ASB13: variants seen among roughly 807,000 people sequenced by gnomAD.
ASB13 encodes ankyrin repeat and SOCS box containing 13.
A neutral mutation model predicts 28.8 loss-of-function variants in ASB13; 33 were observed. The observed-to-expected ratio is 1.15, with a 90% CI of 0.87 to 1.53. The LOEUF is 1.53. Ranked by LOEUF, ASB13 falls within the 40% of genes most tolerant of loss-of-function variation. ASB13 has a pLI of 0.00. For missense variants in ASB13, 414 were observed against 390.1 expected, an observed-to-expected ratio of 1.06 and a Z score of -0.52; for synonymous variants, 182 against 172.9, an observed-to-expected ratio of 1.05 and a Z score of -0.41.
chr10:5,642,581 T>A lies in ASB13; in HGVS notation c.518-620A>T, dbSNP rs72772136. 636 of 925,640 alleles carry A rather than the reference T, an allele frequency of 6.9e-4. 1 individual carries two copies. The highest frequency in any genetic ancestry group is 1.5e-3 in the Middle Eastern group (5 of 3,294). The allele number at this position is 925,640 out of a possible 1,614,324, so 57.3% of individuals were successfully genotyped here. A position where few individuals can be genotyped will look rare whatever the true frequency, so the allele number is the denominator to read the frequency against. ...GATTAAAAGTAAAGGTAAAAAAAAA[T>A]TTTTTTTTAAAAAAAAGAGCAGACA... On this transcript the variant is annotated intron_variant, in intron 4 of 5. Coordinates refer to ENST00000357700, the MANE Select transcript of ASB13 (RefSeq NM_024701.4). This position sits in a 1 kb window ranked among gnomAD's most constrained non-coding sequence, Gnocchi z 4.1.
At position 5,639,891 on chromosome 10, in the gene ASB13, A is replaced by G. The variant is rs1469427590; in HGVS notation, c.*812T>C. The G allele has an allele frequency of 2.0e-5, 3 of 152,458 alleles. No homozygotes were observed. The highest frequency in any genetic ancestry group is 4.4e-5 in the Non-Finnish European group (3 of 68,034). 9.4% of individuals were successfully genotyped at this position (152,458 alleles called of 1,614,324 possible). On this transcript the variant is annotated 3_prime_UTR_variant, in exon 6 of 6. Coordinates refer to ENST00000357700, the MANE Select transcript of ASB13 (RefSeq NM_024701.4). ...AATATACACCTTGACACACCTTCAC[A>G]CTGCTGTCGGTTTGAATGGCTCATT... is the stretch of plus-strand genomic sequence containing the variant.
In ASB13 at chr10:5,666,566, G is replaced by C; in HGVS notation, c.-15C>G. On this transcript the variant is annotated 5_prime_UTR_variant, in exon 1 of 6. Coordinates refer to ENST00000357700, the MANE Select transcript of ASB13 (RefSeq NM_024701.4). ...CGGGGCTCCATGCGGCTCACCGGCG[G>C]CCGCGCGGCGACTCTGGGCGCCGGG... 1 of 1,153,960 alleles carries C rather than the reference G, an allele frequency of 8.7e-7. No individual in the cohort carries two copies. The highest frequency in any genetic ancestry group is 1.1e-6 in the Non-Finnish European group (1 of 938,170). 71.5% of individuals were successfully genotyped at this position (1,153,960 alleles called of 1,614,324 possible). A position where few individuals can be genotyped will look rare whatever the true frequency, so the allele number is the denominator to read the frequency against.
chr10:5,662,533 G>GGGGA (rs1554744084), intron 1 of ASB13, among the ~76,000 whole-genome samples: 2,827 of 6,710 alleles, frequency 0.42, 457 homozygotes, highest in Admixed American at 0.56. Context: ...CTGTCGAGAA[G>GGGGA]GGGGGGGGAG....
chr10:5,642,209 C>T lies in ASB13; in HGVS notation c.518-248G>A, dbSNP rs555236676. Among the ~76,000 whole-genome samples the T allele has an allele frequency of 6.6e-6, 1 of 152,098 alleles. No individual in the cohort carries two copies. The highest frequency in any genetic ancestry group is 1.9e-4 in the East Asian group (1 of 5,182). On this transcript the variant is annotated intron_variant, in intron 4 of 5. Transcript: ENST00000357700. This position sits in a 1 kb window ranked among gnomAD's most constrained non-coding sequence, Gnocchi z 4.1. Reference sequence around the variant, plus strand: ...ATAAAGAAATAACTAGAAATAGAACCGAAAAGAAGAAAAATAAAACGAAAA... The same window carrying T: ...ATAAAGAAATAACTAGAAATAGAACTGAAAAGAAGAAAAATAAAACGAAAA...
In ASB13 at chr10:5,661,448, C is replaced by T. The variant is rs1430724905; in HGVS notation, c.43+5061G>A. ...TCCAGTAGCATGCTGGCTTTGAATC[C>T]AGGTCAAATACCCAAGATGCACCTT... On this transcript the variant is annotated intron_variant, in intron 1 of 5. Transcript: ENST00000357700. This position sits in a 1 kb window ranked among gnomAD's most constrained non-coding sequence, Gnocchi z 4.9. Among the ~76,000 whole-genome samples the T allele has an allele frequency of 1.3e-5, 2 of 152,200 alleles. No individual in the cohort carries two copies. Among genetic ancestry groups the T allele is most frequent in the Non-Finnish European group, 2.9e-5 (2 of 68,022 alleles).
chr10:5,648,917 C>T, intron 4 of ASB13, 53 bp downstream of exon 4: 1 of 1,602,620 alleles, frequency 6.2e-7, no homozygotes, highest in East Asian at 2.2e-5. Flanking sequence ...TAAACACCCG[C>T]TCGGGCAAAC....
At chr10:5,647,222 G>A (rs80194115) in intron 4 of ASB13, among the ~76,000 whole-genome samples, 7 of 152,270 alleles carry the variant, frequency 4.6e-5, no homozygotes, top group African/African-American at 1.4e-4. Context: ...GCCTCCCAAA[G>A]TGCTGAGACT....
At chr10:5,646,874 G>A (rs1163761090) in intron 4 of ASB13, among the ~76,000 whole-genome samples, 1 of 152,176 alleles carries the variant, frequency 6.6e-6, no homozygotes, top group Non-Finnish European at 1.5e-5. Context: ...CATAGAAACG[G>A]ATCCAGCTGC....
rs865983389 is a variant in ASB13 at position 5,652,910 on chromosome 10, G to A, written c.184C>T (p.Gln62Ter). The A allele has an allele frequency of 6.3e-7, 1 of 1,584,510 alleles. No homozygotes were observed. Among genetic ancestry groups the A allele is most frequent in the Non-Finnish European group, 8.6e-7 (1 of 1,166,050 alleles). Residue 62 changes from glutamine to a stop codon, truncating the protein, a stop_gained, in exon 2 of 6, where the codon CAG becomes TAG. Transcript: ENST00000357700. LOFTEE classifies it high-confidence loss of function. This position sits in a 1 kb window ranked among gnomAD's most constrained non-coding sequence, Gnocchi z 5.0. ...SITPLHAASLQGQARCVQLLL... is the reference protein window; with the variant it reads ...SITPLHAASL ...AGCTGCACACACCGCGCCTGGCCCT[G>A]CAGACTGGCTGCGTGCAGGGGCGTG...
At position 5,650,421 on chromosome 10, in the gene ASB13, G is replaced by A. The variant is rs1834966640; in HGVS notation, c.382+792C>T. 6.6e-6 allele frequency among the ~76,000 whole-genome samples: 1 copy of A among 152,054 alleles called. No homozygotes were observed. Among genetic ancestry groups the A allele is most frequent in the African/African-American group, 2.4e-5 (1 of 41,438 alleles). ...GCAGACATGGAAAGACCTACGAGCA[G>A]GAATCAGGGGTGAGCCACATGCAGC... On this transcript the variant is annotated intron_variant, in intron 3 of 5. Transcript: ENST00000357700. This position sits in a 1 kb window ranked among gnomAD's most constrained non-coding sequence, Gnocchi z 6.0.
intron 4 of ASB13, among the ~76,000 whole-genome samples, chr10:5,643,993 A>T (rs1260532021): frequency 6.6e-6 from 1 of 152,168 alleles, no homozygotes; most frequent in East Asian, 1.9e-4. Flanking sequence ...CCCAATGTAC[A>T]TCTTTTCAAA....
rs1588516296 is a variant in ASB13, at chr10:5,655,538, G to A, written c.44-2488C>T. Among the ~76,000 whole-genome samples the A allele has an allele frequency of 6.6e-6, 1 of 152,202 alleles. No homozygotes were observed. Among genetic ancestry groups the A allele is most frequent in the African/African-American group, 2.4e-5 (1 of 41,436 alleles). The stretch of plus-strand genomic sequence containing the variant: ...TTGTCCACAGCCAAAGAGCCCGGGT[G>A]ACCCTATGTCAGTGGAAGTGGGGAC... On this transcript the variant is annotated intron_variant, in intron 1 of 5. Transcript: ENST00000357700. This position sits in a 1 kb window ranked among gnomAD's most constrained non-coding sequence, Gnocchi z 6.2.
intron 1 of ASB13, 24 bp downstream of exon 1, chr10:5,666,485 G>A: frequency 7.7e-7 from 1 of 1,294,694 alleles, no homozygotes; most frequent in Non-Finnish European, 9.8e-7. Context: ...GCCTCGCTCT[G>A]ACCTCCGCGG....
chr10:5,648,496 A>G (rs1285460193), intron 4 of ASB13, among the ~76,000 whole-genome samples: 1 of 149,396 alleles, frequency 6.7e-6, no homozygotes, highest in Admixed American at 6.6e-5. Flanking sequence ...TCGGGCAAAC[A>G]CCCACTCGGG....
intron 4 of ASB13, among the ~76,000 whole-genome samples, chr10:5,643,893 C>A (rs1042350441): frequency 2.0e-5 from 3 of 152,240 alleles, no homozygotes; most frequent in Admixed American, 1.3e-4. Flanking sequence ...AGGGAGAAAA[C>A]CATGGCTGGA....
rs992589308 is a variant in ASB13, at chr10:5,642,806, G to C, written c.518-845C>G. Among the ~76,000 whole-genome samples the C allele has an allele frequency of 1.3e-5, 2 of 151,996 alleles. No individual in the cohort carries two copies. The highest frequency in any genetic ancestry group is 2.9e-5 in the Non-Finnish European group (2 of 68,008). On this transcript the variant is annotated intron_variant, in intron 4 of 5. Coordinates refer to ENST00000357700, the MANE Select transcript of ASB13 (RefSeq NM_024701.4). The surrounding 1 kb of genome is among the most constrained non-coding windows in gnomAD (Gnocchi z 4.1). ...GGATGACAGGTGTGCCACCATGCCC[G>C]GCTAATTTTTCTATTTTTTGTAGAG...
Position 5,644,421 on chromosome 10 carries a change from G to A in ASB13, c.518-2460C>T, listed in dbSNP as rs990464867. Among the ~76,000 whole-genome samples the A allele has an allele frequency of 7.9e-4, 120 of 152,274 alleles. No individual in the cohort carries two copies. Among genetic ancestry groups the A allele is most frequent in the African/African-American group, 2.6e-3 (109 of 41,546 alleles). ...TGAGGTAGGAGGATCACTTGAGCCC[G>A]GGAGGTTGAGGCTGCAGCAAGCCAC... On this transcript the variant is annotated intron_variant, in intron 4 of 5. Transcript: ENST00000357700. The surrounding 1 kb of genome is among the most constrained non-coding windows in gnomAD (Gnocchi z 5.1).
chr10:5,662,063 C>T (rs926043789), intron 1 of ASB13, among the ~76,000 whole-genome samples: 5 of 152,222 alleles, frequency 3.3e-5, no homozygotes, highest in Middle Eastern at 6.8e-3. Context: ...AGGCAGGCAC[C>T]GGAAGCCCCC....
intron 1 of ASB13, among the ~76,000 whole-genome samples, chr10:5,653,917 G>T (rs1319817079): frequency 6.6e-6 from 1 of 151,994 alleles, no homozygotes; most frequent in Non-Finnish European, 1.5e-5. Context: ...CCTGACCTCA[G>T]GTGATCCACC....
Sources: gnomAD v4.1 joint callset for allele counts (sites outside exome capture counted in the v4.1 genomes callset) on GRCh38, gnomAD v4.1.1 for gene constraint, Gnocchi (gnomAD v3.1) non-coding constraint, MANE v1.5 for transcripts, NCBI Gene and HGNC (gene_info 2026-07-23, HGNC 2026-07-21) for gene names.